PHF20L1: variants seen among roughly 807,000 people sequenced by gnomAD.
The protein encoded by PHF20L1 is PHD finger protein 20-like protein 1.
Under a neutral mutation model 125.5 loss-of-function variants are expected in PHF20L1, and 44 were observed. The observed-to-expected ratio is 0.35, with a 90% confidence interval of 0.28 to 0.45. PHF20L1 has a LOEUF of 0.45. Ranked by LOEUF, PHF20L1 falls within the 20% of genes least tolerant of loss-of-function variation. PHF20L1 has a pLI of 1.00. For missense variants in PHF20L1, 1,012 were observed against 1,217.2 expected, an observed-to-expected ratio of 0.83 and a Z score of 2.51; for synonymous variants, 380 against 403.1, an observed-to-expected ratio of 0.94 and a Z score of 0.69.
At chr8:132,824,857 C>A (rs1417847836) in intron 13 of PHF20L1, 2 of 255,830 alleles carry the variant, frequency 7.8e-6, no homozygotes, top group Non-Finnish European at 1.4e-5. Context: ...AGCAAAAAGT[C>A]CATCAGGTTT....
chr8:132,807,196 T>G (rs1358174671), intron 8 of PHF20L1: 1 of 155,202 alleles, frequency 6.4e-6, no homozygotes, highest in Non-Finnish European at 1.4e-5. Context: ...TTGCATATAC[T>G]GTGCAATATA....
intron 8 of PHF20L1, chr8:132,807,890 A>G (rs1833921235): frequency 2.7e-6 from 1 of 369,506 alleles, no homozygotes; most frequent in Non-Finnish European, 5.3e-6. Context: ...CCATAGGGGT[A>G]TTCTTCTAGA....
intron 9 of PHF20L1, among the ~76,000 whole-genome samples, chr8:132,813,631 A>G (rs1834630189): frequency 1.3e-5 from 2 of 152,004 alleles, no homozygotes; most frequent in South Asian, 2.1e-4. Flanking sequence ...CTGATTCTTT[A>G]TAAAGGCCTA....
chr8:132,807,031 C>T (rs927439242), intron 8 of PHF20L1: 11 of 152,032 alleles, frequency 7.2e-5, no homozygotes, highest in Non-Finnish European at 1.5e-4. Flanking sequence ...TGGCGTTTTT[C>T]AGAGGTTCCA....
At position 132,799,131 on chromosome 8, in the gene PHF20L1, A is replaced by T; in HGVS notation, c.466A>T (p.Ile156Phe). The T allele has an allele frequency of 6.2e-7, 1 of 1,610,350 alleles. No homozygotes were observed. The highest frequency in any genetic ancestry group is 1.1e-5 in the South Asian group (1 of 90,696). Residue 156 changes from isoleucine to phenylalanine, a missense_variant, in exon 6 of 21, where the codon ATC becomes TTC. Coordinates refer to ENST00000395386, the MANE Select transcript of PHF20L1 (RefSeq NM_016018.5). ...GCATCCACTAAGCTGGTGTTGTCCT[A>T]TCGACCCAGCTGGATCGTGTAACCA... The part of the protein sequence containing the change: ...SQHPLSWCCP[I>F]DPAGSCNQSM...
intron 12 of PHF20L1, among the ~76,000 whole-genome samples, chr8:132,819,589 T>C (rs1835355304): frequency 6.6e-6 from 1 of 151,704 alleles, no homozygotes; most frequent in South Asian, 2.1e-4. Flanking sequence ...TTATTCACCC[T>C]CTCTTGACTA....
intron 2 of PHF20L1, among the ~76,000 whole-genome samples, chr8:132,791,624 A>G (rs1395127003): frequency 6.6e-6 from 1 of 152,202 alleles, no homozygotes; most frequent in Non-Finnish European, 1.5e-5. Flanking sequence ...ATGTTCAAAT[A>G]AATGTTTAAT....
chr8:132,820,948 AT>A (rs902955145), intron 12 of PHF20L1, among the ~76,000 whole-genome samples: 4 of 149,444 alleles, frequency 2.7e-5, no homozygotes, highest in African/African-American at 7.3e-5. Context: ...ACCCATCTTC[AT>A]TTTTTTTTTA....
chr8:132,833,806 A>G (rs925372076), intron 15 of PHF20L1, among the ~76,000 whole-genome samples: 2 of 152,142 alleles, frequency 1.3e-5, no homozygotes, highest in African/African-American at 2.4e-5. Flanking sequence ...CTTATGATCA[A>G]GTACTAAGTC....
chr8:132,815,586 G>A (rs918255806), intron 10 of PHF20L1: 3 of 151,676 alleles, frequency 2.0e-5, no homozygotes, highest in Non-Finnish European at 4.4e-5. Context: ...GGTAAATGAT[G>A]GTTTTTTTTG....
intron 18 of PHF20L1, among the ~76,000 whole-genome samples, chr8:132,840,785 C>T (rs1242780718): frequency 6.6e-6 from 1 of 152,108 alleles, no homozygotes; most frequent in African/African-American, 2.4e-5. Flanking sequence ...TGGCAAACTC[C>T]ACGCATACTT....
At chr8:132,811,282 G>T in intron 9 of PHF20L1, 154 bp downstream of exon 9, 2 of 1,396,094 alleles carry the variant, frequency 1.4e-6, no homozygotes, top group South Asian at 1.5e-5. Context: ...CTTCTCCAAG[G>T]TATACAGATA....
At position 132,845,869 on chromosome 8, in the gene PHF20L1, G is replaced by C. The variant is rs1243134466; in HGVS notation, c.3000G>C (p.Gln1000His). ...CCCAACTTAAACGCCACATAAAACA[G>C]CTCCTAATTGACATGGGCAAAGTAC... ...RLPQLKRHIK[Q>H]LLIDMGKVQQ... The change falls in exon 21 of 21, where the codon CAG (glutamine) becomes CAC (histidine). Residue 1000 changes from glutamine to histidine, a missense_variant. Gln to His is a conservative substitution (Grantham distance 24). This residue lies in a region of PHF20L1 where 277 missense variants were observed against 283.6 expected (regional missense o/e 0.98). Coordinates refer to ENST00000395386, the MANE Select transcript of PHF20L1 (RefSeq NM_016018.5). 1 of 1,612,100 alleles carries C rather than the reference G, an allele frequency of 6.2e-7. No individual in the cohort carries two copies. The highest frequency in any genetic ancestry group is 8.5e-7 in the Non-Finnish European group (1 of 1,178,516).
intron 13 of PHF20L1, chr8:132,824,976 C>G: frequency 7.6e-7 from 1 of 1,317,026 alleles, no homozygotes; most frequent in African/African-American, 1.5e-5. Flanking sequence ...CTTACCACAT[C>G]AGGAAATTGA....
intron 18 of PHF20L1, chr8:132,841,430 T>C (rs1837923646): frequency 1.3e-5 from 2 of 152,144 alleles, no homozygotes; most frequent in Admixed American, 6.6e-5. Context: ...ATTAAACTAC[T>C]AGGGATTCAA....
intron 2 of PHF20L1, among the ~76,000 whole-genome samples, chr8:132,781,043 G>A (rs1830369636): frequency 6.6e-6 from 1 of 151,916 alleles, no homozygotes; most frequent in African/African-American, 2.4e-5. Flanking sequence ...TAGAGATGAA[G>A]TGTCACTGTA....
At chr8:132,794,329 A>G in intron 2 of PHF20L1, 81 bp from the exon 3 acceptor site, 1 of 807,932 alleles carries the variant, frequency 1.2e-6, no homozygotes, top group South Asian at 2.0e-5. Flanking sequence ...GGTAAGCAAC[A>G]TTCAGCTAAA....
At chr8:132,804,770 G>C (rs761264865) in intron 8 of PHF20L1, 30 bp downstream of exon 8, 44 of 1,562,230 alleles carry the variant, frequency 2.8e-5, no homozygotes, top group South Asian at 5.9e-5. Context: ...TTTTTGAGGG[G>C]GGGAAATGGA....
At position 132,845,906 on chromosome 8, in the gene PHF20L1, A is replaced by G. The variant is rs750507597; in HGVS notation, c.3037A>G (p.Thr1013Ala). The change falls in exon 21 of 21, where the codon ACT (threonine) becomes GCT (alanine). Residue 1013 changes from threonine to alanine, a missense_variant. Thr to Ala is a moderately conservative substitution (Grantham distance 58). This residue lies in a region of PHF20L1 where 277 missense variants were observed against 283.6 expected (regional missense o/e 0.98). Transcript: ENST00000395386. ...CATGGGCAAAGTACAGCAGATAGCA[A>G]CTCTTTGCTCTGTATGACAACAGTG... ...IDMGKVQQIATLCSV is the reference protein window; with the variant it reads ...IDMGKVQQIAALCSV 5.0e-6 allele frequency: 8 copies of G among 1,611,818 alleles called. No homozygotes were observed. In the East Asian group the frequency reaches 6.7e-5, roughly 13 times the overall value.
Sources: gnomAD v4.1 joint callset for allele counts (sites outside exome capture counted in the v4.1 genomes callset) on GRCh38, gnomAD v4.1.1 for gene constraint, gnomAD v4.1.1 regional missense constraint, MANE v1.5 for transcripts, NCBI Gene and HGNC (gene_info 2026-07-23, HGNC 2026-07-21) for gene names.